Variants in ATP11C observed in about 807,000 individuals in gnomAD.
ATP11C encodes the protein phospholipid-transporting ATPase IG.
ATP11C carries 36 observed loss-of-function variants against 97.4 expected under a neutral mutation model. The observed-to-expected ratio is 0.37, with a 90% CI of 0.28 to 0.49. The LOEUF (loss-of-function observed/expected upper bound fraction) is 0.49. Ranked by LOEUF, ATP11C falls within the 20% of genes least tolerant of loss-of-function variation. ATP11C has a pLI of 0.98. For synonymous variants in ATP11C, 275 were observed against 290.9 expected (o/e 0.95, Z 0.56); for missense variants, 730 against 824.6 (o/e 0.89, Z 1.40).
At chrX:139,885,563 G>T (rs1328678538) in intron 1 of ATP11C, 5 of 111,634 alleles carry the variant, frequency 4.5e-5, no homozygotes, top group Non-Finnish European at 9.4e-5. Context: ...ATATGGTTAA[G>T]GAATTGCTAC....
At chrX:139,731,574 GT>G (rs1364475523) in intron 29 of ATP11C, 76 bp downstream of exon 29, 1 of 565,697 alleles carries the variant, frequency 1.8e-6, no homozygotes, top group African/African-American at 2.3e-5. Flanking sequence ...AATTTAGAGA[GT>G]GATATTTTCA....
At chrX:139,906,132 T>C (rs780395973) in intron 1 of ATP11C, among the ~76,000 whole-genome samples, 3 of 110,888 alleles carry the variant, frequency 2.7e-5, no homozygotes, top group Non-Finnish European at 3.8e-5. Flanking sequence ...CTGGGCATAG[T>C]GGCTCATGCC....
intron 1 of ATP11C, among the ~76,000 whole-genome samples, chrX:139,886,737 T>C (rs2087024269): frequency 9.0e-6 from 1 of 111,315 alleles, no homozygotes; most frequent in Non-Finnish European, 1.9e-5. Flanking sequence ...AGAGATACAC[T>C]GTGTTCATGG....
chrX:139,736,242 T>C (rs573895535), intron 28 of ATP11C, among the ~76,000 whole-genome samples: 2 of 112,166 alleles, frequency 1.8e-5, no homozygotes, highest in South Asian at 7.4e-4. Flanking sequence ...TAATGGTCTA[T>C]GTAACAGTCA....
intron 1 of ATP11C, among the ~76,000 whole-genome samples, chrX:139,847,702 CAAAA>C (rs775132290): frequency 1.2e-5 from 1 of 85,077 alleles, no homozygotes; most frequent in African/African-American, 4.3e-5. Context: ...GAACCTATCT[CAAAA>C]AAAAAAAAAA....
chrX:139,907,024 C>T (rs1030715211), intron 1 of ATP11C, among the ~76,000 whole-genome samples: 1 of 111,378 alleles, frequency 9.0e-6, no homozygotes, highest in Non-Finnish European at 1.9e-5. Flanking sequence ...ATTCAAATGA[C>T]ACCTTCTCAG....
chrX:139,879,841 G>A (rs982567490), intron 1 of ATP11C, among the ~76,000 whole-genome samples: 4 of 111,640 alleles, frequency 3.6e-5, no homozygotes, highest in African/African-American at 1.3e-4. Flanking sequence ...ATAAAGAAAT[G>A]CAAGGAAATA....
At chrX:139,917,955 CAAAAAAAAAAAAA>C (rs774133039) in intron 1 of ATP11C, among the ~76,000 whole-genome samples, 18 of 38,403 alleles carry the variant, frequency 4.7e-4, no homozygotes, top group African/African-American at 1.5e-3. Context: ...GGCTTTGTCT[CAAAAAAAAAAAAA>C]AAAAAAAAAA....
intron 8 of ATP11C, among the ~76,000 whole-genome samples, chrX:139,799,034 C>T (rs934409830): frequency 1.8e-5 from 2 of 111,110 alleles, no homozygotes; most frequent in Non-Finnish European, 3.8e-5. Context: ...AAGACGAGAA[C>T]AGAACAGAGC....
chrX:139,844,111 C>T (rs2083874889), intron 1 of ATP11C, among the ~76,000 whole-genome samples: 1 of 111,508 alleles, frequency 9.0e-6, no homozygotes, highest in Non-Finnish European at 1.9e-5. Context: ...TCAAAATGAC[C>T]ATGAATAGTT....
rs745772982 is a variant in ATP11C at position 139,772,509 on chromosome X, G to A, written c.2216+2181C>T. Among the ~76,000 whole-genome samples the A allele has an allele frequency of 3.5e-3, 394 of 111,581 alleles. 1 individual carries two copies. Among genetic ancestry groups the A allele is most frequent in the Non-Finnish European group, 6.4e-3 (340 of 53,080 alleles). On this transcript the variant is annotated intron_variant, in intron 19 of 29. Transcript: ENST00000682941. ...CTTGCACTGTGCACCTGGAAAAGCC[G>A]CAGACACTCAATGCCAGCCTGTGAA...
At chrX:139,849,512 G>A (rs756127291) in intron 1 of ATP11C, among the ~76,000 whole-genome samples, 2 of 111,240 alleles carry the variant, frequency 1.8e-5, no homozygotes, top group South Asian at 7.7e-4. Flanking sequence ...CCTGACACAT[G>A]GTAGGAGCTC....
chrX:139,789,367 T>C lies in ATP11C; in HGVS notation c.1328A>G (p.Gln443Arg). 3 of 1,205,969 alleles carry C rather than the reference T, an allele frequency of 2.5e-6. No homozygotes were observed. The highest frequency in any genetic ancestry group is 3.4e-6 in the Non-Finnish European group (3 of 891,778). ...GVTQEVDGLS[Q>R]TDGTLTYFDK... ...AAAATATGTTAAAGTTCCATCAGTT[T>C]GAGATAATCCATCAACCTCTTGAGT... Residue 443 changes from glutamine (Q) to arginine (R), a missense_variant, in exon 13 of 30, where the codon CAA (glutamine) becomes CGA (arginine). Gln to Arg is a conservative substitution (Grantham distance 43). Transcript: ENST00000682941.
intron 1 of ATP11C, among the ~76,000 whole-genome samples, chrX:139,853,383 AAG>A (rs1434514310): frequency 9.1e-6 from 1 of 109,294 alleles, no homozygotes; most frequent in Non-Finnish European, 1.9e-5. Flanking sequence ...AGAGAGGGGG[AAG>A]AGAGAGAAGA....
At chrX:139,766,613 C>A (rs750540185) in intron 20 of ATP11C, among the ~76,000 whole-genome samples, 1 of 110,530 alleles carries the variant, frequency 9.0e-6, no homozygotes, top group African/African-American at 3.3e-5. Flanking sequence ...CATATGTGTG[C>A]GTGTGTGTGT....
At chrX:139,772,900 G>T (rs755255995) in intron 19 of ATP11C, among the ~76,000 whole-genome samples, 1 of 111,228 alleles carries the variant, frequency 9.0e-6, no homozygotes, top group South Asian at 3.9e-4. Context: ...GAAAGACTTT[G>T]GGGGGCTGTT....
chrX:139,847,496 T>C (rs909114972), intron 1 of ATP11C, among the ~76,000 whole-genome samples: 1 of 109,914 alleles, frequency 9.1e-6, no homozygotes, highest in Non-Finnish European at 1.9e-5. Context: ...AGCCCAGGAG[T>C]TCGAGACCAG....
chrX:139,906,878 T>G (rs35459714), intron 1 of ATP11C, among the ~76,000 whole-genome samples: 5,892 of 111,258 alleles, frequency 0.053, 256 homozygotes, highest in East Asian at 0.29. Flanking sequence ...AATGGTGTCT[T>G]TCCACGCTAA....
chrX:139,785,445 T>A (rs979034424), intron 15 of ATP11C, 146 bp from the exon 16 acceptor site: 23 of 434,979 alleles, frequency 5.3e-5, no homozygotes. Flanking sequence ...TGTCTCAGAA[T>A]TTCTCTGAAC....
Sources: gnomAD v4.1 joint callset for allele counts (sites outside exome capture counted in the v4.1 genomes callset) on GRCh38, gnomAD v4.1.1 for gene constraint, MANE v1.5 for transcripts, NCBI Gene and HGNC (gene_info 2026-07-23, HGNC 2026-07-21) for gene names.